The following FHIP1A variants were observed in gnomAD, a reference collection of about 807,000 sequenced individuals.
FHIP1A encodes FHF complex subunit HOOK-interacting protein 1A.
FHIP1A carries 61 observed loss-of-function variants against 88.6 expected under a neutral mutation model. That is an observed-to-expected ratio of 0.69 (90% CI 0.56 to 0.85). The LOEUF (loss-of-function observed/expected upper bound fraction) is 0.85, where lower values mean the gene tolerates loss of function less well. FHIP1A is among the 40% of genes least tolerant of loss of function. The pLI, the probability that FHIP1A is intolerant of heterozygous loss-of-function variation, is 0.00. For missense variants in FHIP1A, 1,154 were observed against 1,273.5 expected (o/e 0.91, Z 1.43); for synonymous variants, 478 against 496.0 (o/e 0.96, Z 0.48).
chr4:151,597,626 C>T (rs1017493462), intron 7 of FHIP1A, among the ~76,000 whole-genome samples: 2 of 152,176 alleles, frequency 1.3e-5, no homozygotes, highest in Non-Finnish European at 2.9e-5. Flanking sequence ...AGGCTGTGCC[C>T]ATAGCTGCCC....
At chr4:151,492,634 C>A (rs1241376808) in intron 3 of FHIP1A, among the ~76,000 whole-genome samples, 2 of 151,592 alleles carry the variant, frequency 1.3e-5, no homozygotes, top group Non-Finnish European at 2.9e-5. Context: ...TCAAGTACTC[C>A]TCTCTCAGAC....
At chr4:151,621,289 G>A (rs1735733416) in intron 7 of FHIP1A, among the ~76,000 whole-genome samples, 1 of 152,014 alleles carries the variant, frequency 6.6e-6, no homozygotes, top group African/African-American at 2.4e-5. Context: ...GTGCAGGTCT[G>A]GGACAACAGA....
At chr4:151,615,927 A>T (rs1735500797) in intron 7 of FHIP1A, among the ~76,000 whole-genome samples, 1 of 152,138 alleles carries the variant, frequency 6.6e-6, no homozygotes, top group Non-Finnish European at 1.5e-5. Context: ...TGGGAAGAGG[A>T]GATGCCAGAA....
chr4:151,599,046 A>G (rs1314286539), intron 7 of FHIP1A, among the ~76,000 whole-genome samples: 1 of 152,240 alleles, frequency 6.6e-6, no homozygotes, highest in Non-Finnish European at 1.5e-5. Context: ...GCATTCCAAA[A>G]TACACATGGT....
At position 151,492,789 on chromosome 4, in the gene FHIP1A, GA is replaced by G. The variant is rs563090906; in HGVS notation, c.-123+10142del. Among the ~76,000 whole-genome samples, 9 of 152,178 alleles carry G rather than the reference GA, an allele frequency of 5.9e-5. No individual in the cohort carries two copies. The East Asian group carries it at 1.2e-3, about 20-fold the overall frequency. The stretch of plus-strand genomic sequence containing the variant: ...CATTAACAAATTCTTTGAACTGAAT[GA>G]TAATAGTGACAACTGATCAAAACCT... On this transcript the variant is annotated intron_variant, in intron 3 of 13. Coordinates refer to ENST00000435205, the MANE Select transcript of FHIP1A (RefSeq NM_001109977.3).
intron 7 of FHIP1A, among the ~76,000 whole-genome samples, chr4:151,604,519 T>C (rs1397964777): frequency 6.6e-6 from 1 of 152,194 alleles, no homozygotes; most frequent in Non-Finnish European, 1.5e-5. Flanking sequence ...CATGAAATCA[T>C]ATTCATTACT....
chr4:151,642,689 G>T (rs1466918542), intron 9 of FHIP1A, among the ~76,000 whole-genome samples: 4 of 151,928 alleles, frequency 2.6e-5, no homozygotes. Flanking sequence ...TTGTGTTTAT[G>T]GTCAGTGTAG....
At chr4:151,416,721 A>T (rs897112749) in intron 1 of FHIP1A, among the ~76,000 whole-genome samples, 2 of 152,078 alleles carry the variant, frequency 1.3e-5, no homozygotes, top group African/African-American at 4.8e-5. Flanking sequence ...GACACGGGAA[A>T]CTTATAGTTT....
At chr4:151,620,526 T>C (rs1388334784) in intron 7 of FHIP1A, among the ~76,000 whole-genome samples, 1 of 152,182 alleles carries the variant, frequency 6.6e-6, no homozygotes, top group African/African-American at 2.4e-5. Context: ...ATAGCTCTTC[T>C]TGCCTGGTTT....
Position 151,496,716 on chromosome 4 carries a change from C to CTTT in FHIP1A, c.-123+14083_-123+14085dup, listed in dbSNP as rs58538673. Among the ~76,000 whole-genome samples, 11 of 102,462 alleles carry CTTT rather than the reference C, an allele frequency of 1.1e-4. 1 individual carries two copies. The highest frequency in any genetic ancestry group is 2.1e-4 in the Non-Finnish European group (11 of 53,106). The allele number at this position is 102,462 out of a possible 152,430, so 67.2% of individuals were successfully genotyped here. A position where few individuals can be genotyped will look rare whatever the true frequency, so the allele number is the denominator to read the frequency against. ...CACAGGAGCATACCACCACGTCCAG[C>CTTT]TTTTTTTTTTTTTTTTTGTATTTTT... is the stretch of plus-strand genomic sequence containing the variant. On this transcript the variant is annotated intron_variant, in intron 3 of 13. Coordinates refer to ENST00000435205, the MANE Select transcript of FHIP1A (RefSeq NM_001109977.3).
intron 3 of FHIP1A, among the ~76,000 whole-genome samples, chr4:151,514,033 A>C (rs898651726): frequency 6.6e-6 from 1 of 151,784 alleles, no homozygotes; most frequent in African/African-American, 2.4e-5. Context: ...CATATTCCAA[A>C]ATTGACCACA....
At position 151,516,203 on chromosome 4, in the gene FHIP1A, G is replaced by T. The variant is rs572873454; in HGVS notation, c.-123+33555G>T. On this transcript the variant is annotated intron_variant, in intron 3 of 13. Transcript: ENST00000435205. ...CTGACAAAAACAAGCAATGGGGAAAGGATTCCCTATTTAATAAATGGTGCT... is the reference window on the plus strand; with the variant it reads ...CTGACAAAAACAAGCAATGGGGAAATGATTCCCTATTTAATAAATGGTGCT... Among the ~76,000 whole-genome samples the T allele has an allele frequency of 7.9e-5, 12 of 152,250 alleles. No individual in the cohort carries two copies. The South Asian group carries it at 1.7e-3, about 21-fold the overall frequency.
At chr4:151,427,065 C>T (rs1733407709) in intron 1 of FHIP1A, among the ~76,000 whole-genome samples, 1 of 152,058 alleles carries the variant, frequency 6.6e-6, no homozygotes, top group Non-Finnish European at 1.5e-5. Context: ...ATGATGGTGA[C>T]TATCCAGATC....
At chr4:151,542,654 C>T (rs569425284) in intron 3 of FHIP1A, among the ~76,000 whole-genome samples, 11 of 152,298 alleles carry the variant, frequency 7.2e-5, no homozygotes, top group African/African-American at 2.6e-4. Flanking sequence ...CATGAACTGG[C>T]CCCTGACTCC....
chr4:151,536,166 A>G (rs1479163711), intron 3 of FHIP1A, among the ~76,000 whole-genome samples: 1 of 152,208 alleles, frequency 6.6e-6, no homozygotes, highest in African/African-American at 2.4e-5. Context: ...ATGCTGTTGT[A>G]ATAATTATAC....
chr4:151,552,065 C>T (rs915853025), intron 3 of FHIP1A, among the ~76,000 whole-genome samples: 1 of 152,158 alleles, frequency 6.6e-6, no homozygotes, highest in Admixed American at 6.5e-5. Context: ...AGCCAAAAAA[C>T]AAATGAAAAA....
At chr4:151,590,511 C>G (rs1480754538) in intron 7 of FHIP1A, among the ~76,000 whole-genome samples, 1 of 152,184 alleles carries the variant, frequency 6.6e-6, no homozygotes, top group Non-Finnish European at 1.5e-5. Flanking sequence ...AAAGTTAAAT[C>G]ATTACATGTG....
chr4:151,571,763 T>C (rs1733610012), intron 4 of FHIP1A, among the ~76,000 whole-genome samples: 1 of 152,316 alleles, frequency 6.6e-6, no homozygotes, highest in South Asian at 2.1e-4. Context: ...TCTTAGTAAA[T>C]TGATGTTTGT....
chr4:151,450,398 A>C (rs1728749641), intron 1 of FHIP1A, among the ~76,000 whole-genome samples: 1 of 152,178 alleles, frequency 6.6e-6, no homozygotes, highest in African/African-American at 2.4e-5. Flanking sequence ...TATAGACCAT[A>C]TACTTTTTAA....
Sources: allele counts gnomAD v4.1 joint callset (sites outside exome capture counted in the v4.1 genomes callset), GRCh38; gene constraint gnomAD v4.1.1; transcripts MANE v1.5; gene names NCBI Gene and HGNC (gene_info 2026-07-23, HGNC 2026-07-21).